Variants in SYTL5 observed in about 807,000 individuals in gnomAD.
SYTL5 encodes the protein synaptotagmin like 5.
SYTL5 carries 34 observed loss-of-function variants against 55.9 expected under a neutral mutation model. That is an observed-to-expected ratio of 0.61 (90% confidence interval 0.46 to 0.81). The LOEUF (loss-of-function observed/expected upper bound fraction) is 0.81. Among genes scored for constraint, SYTL5 ranks in the 30% least tolerant of loss-of-function variants. The pLI is 0.00. For missense variants in SYTL5, 637 were observed against 546.7 expected, an observed-to-expected ratio of 1.17 and a Z score of -1.65; for synonymous variants, 221 against 188.7, an observed-to-expected ratio of 1.17 and a Z score of -1.40.
the SYTL5 span, chrX:37,946,823 A>C: frequency 1.8e-5 from 2 of 113,885 alleles, no homozygotes; most frequent in African/African-American, 6.5e-5. Flanking sequence ...CTGAATTGAA[A>C]CTAGTAGCTA....
At chrX:38,052,400 T>C (rs1935647991) in intron 2 of SYTL5, among the ~76,000 whole-genome samples, 1 of 111,979 alleles carries the variant, frequency 8.9e-6, no homozygotes, top group Admixed American at 9.5e-5. Flanking sequence ...CCTAGCACAG[T>C]GTAGGCGTAC....
chrX:37,904,275 G>T, the SYTL5 span, among the ~76,000 whole-genome samples: 3 of 103,666 alleles, frequency 2.9e-5, no homozygotes, highest in Admixed American at 1.0e-4. Flanking sequence ...CGGGGGGGGG[G>T]GTGATATTTC....
chrX:37,905,096 G>A, the SYTL5 span, among the ~76,000 whole-genome samples: 1 of 110,656 alleles, frequency 9.0e-6, no homozygotes, highest in Admixed American at 9.6e-5. Context: ...GGCACCCCAG[G>A]ACATCTTGAC....
intron 5 of SYTL5, among the ~76,000 whole-genome samples, chrX:38,074,425 T>TA (rs1936339006): frequency 9.0e-6 from 1 of 111,551 alleles, no homozygotes; most frequent in African/African-American, 3.3e-5. Flanking sequence ...TCTGTTTTTT[T>TA]ATTATTATTG....
At chrX:37,924,053 G>T in the SYTL5 span, among the ~76,000 whole-genome samples, 1 of 111,516 alleles carries the variant, frequency 9.0e-6, no homozygotes, top group Non-Finnish European at 1.9e-5. Context: ...CTCTCATAAA[G>T]CTTATATAAC....
At chrX:38,025,384 A>G (rs1282730545) in intron 1 of SYTL5, among the ~76,000 whole-genome samples, 1 of 112,164 alleles carries the variant, frequency 8.9e-6, no homozygotes, top group African/African-American at 3.2e-5. Flanking sequence ...TATTATTTTT[A>G]GGTGTGTGTT....
rs146932621 is a variant in SYTL5 at position 38,027,649 on chromosome X, A to G, written c.-356-5885A>G. On this transcript the variant is annotated intron_variant, in intron 1 of 16. Transcript: ENST00000297875. ...ATTGCAAAATAATCCTTAGTCTTAT[A>G]TTTAGGCTGATTATTTGTATAAAGT... Among the ~76,000 whole-genome samples the G allele has an allele frequency of 2.4e-3, 269 of 112,019 alleles. 2 individuals carry two copies. The highest frequency in any genetic ancestry group is 8.2e-3 in the African/African-American group (253 of 30,889).
the SYTL5 span, among the ~76,000 whole-genome samples, chrX:37,987,880 A>G: frequency 1.0e-3 from 114 of 111,900 alleles, no homozygotes; most frequent in Non-Finnish European, 2.0e-3. Context: ...TTACAGTGAC[A>G]TTAGCTGCTT....
chrX:37,892,771 T>C, the SYTL5 span, among the ~76,000 whole-genome samples: 1 of 96,121 alleles, frequency 1.0e-5, no homozygotes, highest in Non-Finnish European at 2.0e-5. Flanking sequence ...TATATACAGA[T>C]ATACATATAT....
the SYTL5 span, among the ~76,000 whole-genome samples, chrX:37,936,420 G>A: frequency 3.6e-5 from 4 of 112,141 alleles, no homozygotes; most frequent in Non-Finnish European, 7.5e-5. Flanking sequence ...CATTTATTAA[G>A]ACTTCACATT....
At chrX:37,909,471 AT>A in the SYTL5 span, among the ~76,000 whole-genome samples, 5 of 109,311 alleles carry the variant, frequency 4.6e-5, no homozygotes, top group East Asian at 8.5e-4. Context: ...ACATTATGAG[AT>A]TTTTTTTCAA....
rs749843397 is a variant in SYTL5, at chrX:38,033,716, A to T, written c.-174A>T. ...TCCCAGTGGAGGCTGTTCTACGTAT[A>T]GCCTGAAAGAATACTTAACTACCAT... On this transcript the variant is annotated 5_prime_UTR_variant, in exon 2 of 17. Coordinates refer to ENST00000297875, the MANE Select transcript of SYTL5 (RefSeq NM_138780.3). 3 of 308,210 alleles carry T rather than the reference A, an allele frequency of 9.7e-6. No individual in the cohort carries two copies. The highest frequency in any genetic ancestry group is 1.7e-5 in the Non-Finnish European group (3 of 174,795). 25.4% of individuals were successfully genotyped at this position (308,210 alleles called of 1,213,427 possible).
chrX:37,922,392 A>G, the SYTL5 span, among the ~76,000 whole-genome samples: 2 of 112,344 alleles, frequency 1.8e-5, no homozygotes, highest in Non-Finnish European at 3.8e-5. Flanking sequence ...GGCAAGCAAT[A>G]AAACAAAATT....
chrX:38,037,788 T>TGATAGATAGATAGATAGATAGATA (rs3067489), intron 2 of SYTL5, among the ~76,000 whole-genome samples: 1 of 82,402 alleles, frequency 1.2e-5, no homozygotes, highest in Non-Finnish European at 2.7e-5. Context: ...AACATTTTTC[T>TGATAGATAGATAGATAGATAGATA]GATAGATAGA....
At chrX:38,000,199 T>G in the SYTL5 span, among the ~76,000 whole-genome samples, 1 of 112,266 alleles carries the variant, frequency 8.9e-6, no homozygotes, top group Non-Finnish European at 1.9e-5. Context: ...AACCTAGGTC[T>G]TGTTCCACTG....
At chrX:37,989,870 C>CTTA in the SYTL5 span, among the ~76,000 whole-genome samples, 4 of 109,286 alleles carry the variant, frequency 3.7e-5, no homozygotes, top group Non-Finnish European at 7.6e-5. Flanking sequence ...TATTGAACAT[C>CTTA]TTATTATTAT....
intron 1 of SYTL5, among the ~76,000 whole-genome samples, chrX:38,023,172 C>G (rs1250684177): frequency 1.8e-5 from 2 of 111,958 alleles, no homozygotes; most frequent in African/African-American, 3.2e-5. Context: ...GTGGTGTCAC[C>G]TAATTCACAG....
At chrX:37,890,259 T>TA in the SYTL5 span, among the ~76,000 whole-genome samples, 1 of 111,191 alleles carries the variant, frequency 9.0e-6, no homozygotes, top group African/African-American at 3.3e-5. Flanking sequence ...AAGATAAAGG[T>TA]AATCACTCCA....
chrX:37,893,837 A>G, the SYTL5 span, among the ~76,000 whole-genome samples: 2 of 91,466 alleles, frequency 2.2e-5, no homozygotes, highest in Admixed American at 2.4e-4. Flanking sequence ...TATATATAAT[A>G]TATAATTAAG....
Sources: gnomAD v4.1 joint callset for allele counts (sites outside exome capture counted in the v4.1 genomes callset) on GRCh38, gnomAD v4.1.1 for gene constraint, MANE v1.5 for transcripts, NCBI Gene and HGNC (gene_info 2026-07-23, HGNC 2026-07-21) for gene names.